SOX6: variants seen among roughly 807,000 people sequenced by gnomAD.
SOX6 encodes the protein transcription factor SOX-6.
In SOX6, 11 loss-of-function variants were observed where a neutral mutation model predicts 97.8. The ratio of observed to expected loss-of-function variants is 0.11; its 90% confidence interval spans 0.07 to 0.19. The LOEUF (loss-of-function observed/expected upper bound fraction) is 0.19, where lower values mean the gene tolerates loss of function less well. Ranked by LOEUF, SOX6 falls within the 10% of genes least tolerant of loss-of-function variation. SOX6 has a pLI of 1.00. For synonymous variants in SOX6, 360 were observed against 371.4 expected (o/e 0.97, Z 0.35); for missense variants, 810 against 1,039.5 (o/e 0.78, Z 3.04).
intron 4 of SOX6, chr11:16,484,275 G>A: frequency 9.0e-7 from 1 of 1,109,776 alleles, no homozygotes; most frequent in Non-Finnish European, 1.4e-6. Flanking sequence ...GTGTCACTGG[G>A]AACCACATTG....
intron 9 of SOX6, among the ~76,000 whole-genome samples, chr11:16,084,547 G>A (rs1159857892): frequency 1.3e-5 from 2 of 152,026 alleles, no homozygotes; most frequent in Non-Finnish European, 2.9e-5. Context: ...TACTGAGGGG[G>A]TGTCATTATC....
At chr11:16,388,184 A>C (rs1858051079) in intron 1 of SOX6, among the ~76,000 whole-genome samples, 1 of 152,150 alleles carries the variant, frequency 6.6e-6, no homozygotes, top group Non-Finnish European at 1.5e-5. Flanking sequence ...GCATCTATTG[A>C]AATGATCATA....
chr11:16,560,545 AC>A (rs1847801400), intron 4 of SOX6, among the ~76,000 whole-genome samples: 1 of 93,612 alleles, frequency 1.1e-5, no homozygotes, highest in African/African-American at 3.5e-5. Context: ...GTTTATACGT[AC>A]ATATGTTTAT....
intron 12 of SOX6, among the ~76,000 whole-genome samples, chr11:16,033,780 G>C (rs1855447158): frequency 6.6e-6 from 1 of 152,164 alleles, no homozygotes; most frequent in Non-Finnish European, 1.5e-5. Flanking sequence ...GCTGAGACAG[G>C]AGAATTGCTT....
At chr11:16,036,212 T>C (rs1453981820) in intron 12 of SOX6, among the ~76,000 whole-genome samples, 1 of 151,954 alleles carries the variant, frequency 6.6e-6, no homozygotes, top group Non-Finnish European at 1.5e-5. Context: ...CCCGAGTAGC[T>C]GGGATTACAG....
intron 4 of SOX6, among the ~76,000 whole-genome samples, chr11:16,603,697 C>T (rs747266151): frequency 6.6e-6 from 1 of 152,140 alleles, no homozygotes; most frequent in African/African-American, 2.4e-5. Context: ...AGGTATGTTG[C>T]CAGATTTTCT....
intron 3 of SOX6, among the ~76,000 whole-genome samples, chr11:16,659,255 T>C (rs1482950811): frequency 6.6e-6 from 1 of 152,232 alleles, no homozygotes. Flanking sequence ...TTTTTGCAGG[T>C]AGATACCAAG....
chr11:16,068,734 A>T (rs1276647940), intron 9 of SOX6, among the ~76,000 whole-genome samples: 1 of 151,944 alleles, frequency 6.6e-6, no homozygotes, highest in African/African-American at 2.4e-5. Context: ...TCACAATCCT[A>T]CTCATCTTTT....
intron 1 of SOX6, among the ~76,000 whole-genome samples, chr11:16,380,775 AATAG>A (rs1857788428): frequency 6.6e-6 from 1 of 152,128 alleles, no homozygotes; most frequent in African/African-American, 2.4e-5. Context: ...TCCATCTACT[AATAG>A]ATAGGTAGAT....
chr11:16,713,643 TTAA>T (rs1190726272), intron 3 of SOX6, among the ~76,000 whole-genome samples: 2 of 151,922 alleles, frequency 1.3e-5, no homozygotes, highest in Admixed American at 6.6e-5. Flanking sequence ...GTATCTAGAG[TTAA>T]TAATAATAGA....
At chr11:16,497,159 C>A (rs1326029338) in intron 4 of SOX6, among the ~76,000 whole-genome samples, 1 of 152,142 alleles carries the variant, frequency 6.6e-6, no homozygotes, top group Non-Finnish European at 1.5e-5. Context: ...TGCTGTTCAC[C>A]AATATCCGCT....
chr11:16,103,896 T>C (rs978300233), intron 7 of SOX6, among the ~76,000 whole-genome samples: 1 of 151,834 alleles, frequency 6.6e-6, no homozygotes, highest in African/African-American at 2.4e-5. Flanking sequence ...TAGCGAGGTA[T>C]AAAAGACTAC....
At chr11:16,566,736 T>C (rs1847876840) in intron 4 of SOX6, among the ~76,000 whole-genome samples, 1 of 152,230 alleles carries the variant, frequency 6.6e-6, no homozygotes, top group Non-Finnish European at 1.5e-5. Context: ...CATGGAAAGG[T>C]AAAATGATGC....
intron 6 of SOX6, among the ~76,000 whole-genome samples, chr11:16,140,116 C>G (rs1031332192): frequency 1.3e-5 from 2 of 151,886 alleles, no homozygotes; most frequent in African/African-American, 4.8e-5. Flanking sequence ...TATTACCAAC[C>G]AATCTCCTCA....
intron 9 of SOX6, among the ~76,000 whole-genome samples, chr11:16,061,316 A>AC (rs1847947283): frequency 6.6e-6 from 1 of 150,964 alleles, no homozygotes; most frequent in Admixed American, 6.6e-5. Flanking sequence ...AAAAAAAAAA[A>AC]CAGGAATATA....
chr11:15,998,066 C>A (rs931218427), intron 13 of SOX6, among the ~76,000 whole-genome samples: 3 of 150,296 alleles, frequency 2.0e-5, no homozygotes, highest in Non-Finnish European at 3.0e-5. Context: ...GGCAATAGAG[C>A]AAGACTCCAT....
At chr11:16,046,200 G>A (rs2133907530) in intron 12 of SOX6, among the ~76,000 whole-genome samples, 1 of 152,016 alleles carries the variant, frequency 6.6e-6, no homozygotes, top group South Asian at 2.1e-4. Context: ...TAATATTCTG[G>A]TACTCTACTT....
intron 3 of SOX6, among the ~76,000 whole-genome samples, chr11:16,271,890 T>C (rs1326955390): frequency 1.3e-5 from 2 of 151,030 alleles, no homozygotes; most frequent in African/African-American, 2.4e-5. Flanking sequence ...TTTTCTTTGG[T>C]TCATTGGTGA....
chr11:16,629,474 T>C (rs1452681195), intron 3 of SOX6, among the ~76,000 whole-genome samples: 2 of 152,200 alleles, frequency 1.3e-5, no homozygotes, highest in African/African-American at 4.8e-5. Context: ...AACTTTTTGA[T>C]GTACTGTTGG....
Sources: allele counts gnomAD v4.1 joint callset (sites outside exome capture counted in the v4.1 genomes callset), GRCh38; gene constraint gnomAD v4.1.1; transcripts MANE v1.5; gene names NCBI Gene and HGNC (gene_info 2026-07-23, HGNC 2026-07-21).